Variants in AGT observed in about 807,000 individuals in gnomAD.
AGT encodes the protein alpha-1 antiproteinase, antitrypsin.
A neutral mutation model predicts 28.1 loss-of-function variants in AGT; 26 were observed. That is an observed-to-expected ratio of 0.92 (90% CI 0.68 to 1.28). The LOEUF is 1.28. Among genes scored for constraint, AGT ranks in the 50% most tolerant of loss-of-function variants. The pLI is 0.00. For synonymous variants in AGT, 259 were observed against 259.6 expected, an observed-to-expected ratio of 1.00 and a Z score of 0.02; for missense variants, 596 against 592.3, an observed-to-expected ratio of 1.01 and a Z score of -0.06.
intron 1 of AGT, among the ~76,000 whole-genome samples, chr1:230,730,905 G>A (rs1664039799): frequency 6.6e-6 from 1 of 152,166 alleles, no homozygotes; most frequent in South Asian, 2.1e-4. Context: ...TGCCCCTTTT[G>A]AGCTATGTAT....
At chr1:230,718,523 C>T (rs1191366750), upstream of AGT, among the ~76,000 whole-genome samples, 1 of 152,076 alleles carries the variant, frequency 6.6e-6, no homozygotes, top group East Asian at 1.9e-4. Flanking sequence ...ATTTGACCTA[C>T]ATCTCCTCCC....
At chr1:230,727,165 C>T (rs1160503817) in intron 1 of AGT, among the ~76,000 whole-genome samples, 2 of 152,090 alleles carry the variant, frequency 1.3e-5, no homozygotes, top group Non-Finnish European at 2.9e-5. Flanking sequence ...GACCCTGATG[C>T]CTAGAAAGGA....
chr1:230,738,354 G>A (rs940887954), intron 1 of AGT, among the ~76,000 whole-genome samples: 2 of 152,198 alleles, frequency 1.3e-5, no homozygotes, highest in African/African-American at 4.8e-5. Context: ...AAGAAATGAT[G>A]TTTATAAATC....
chr1:230,705,585 CTG>C (rs1218103135), intron 3 of AGT, among the ~76,000 whole-genome samples: 1 of 152,248 alleles, frequency 6.6e-6, no homozygotes, highest in Non-Finnish European at 1.5e-5. Flanking sequence ...CACAGGTGTG[CTG>C]TGTGTCAGGT....
At chr1:230,733,995 C>G (rs1015296439) in intron 1 of AGT, among the ~76,000 whole-genome samples, 1 of 152,142 alleles carries the variant, frequency 6.6e-6, no homozygotes. Context: ...CTTCTTGAAG[C>G]TTCTCATCTT....
intron 1 of AGT, among the ~76,000 whole-genome samples, chr1:230,735,549 C>A (rs1394094916): frequency 6.6e-6 from 1 of 152,084 alleles, no homozygotes; most frequent in Admixed American, 6.5e-5. Flanking sequence ...TTGGAGGAGG[C>A]CTGCCCCTGG....
intron 1 of AGT, among the ~76,000 whole-genome samples, chr1:230,738,645 A>G (rs2102806771): frequency 6.6e-6 from 1 of 152,306 alleles, no homozygotes; most frequent in Admixed American, 6.5e-5. Flanking sequence ...GGCTAATGCT[A>G]CCTTGCCAAA....
chr1:230,718,388 A>G (rs1442725560), upstream of AGT, among the ~76,000 whole-genome samples: 1 of 152,168 alleles, frequency 6.6e-6, no homozygotes, highest in Non-Finnish European at 1.5e-5. Flanking sequence ...TTAGGTGGCA[A>G]GGACACGTAA....
chr1:230,736,256 G>T (rs1425850079), intron 1 of AGT, among the ~76,000 whole-genome samples: 2 of 151,984 alleles, frequency 1.3e-5, no homozygotes, highest in Non-Finnish European at 2.9e-5. Context: ...GGGCGCGGTG[G>T]CTCACACCTG....
At position 230,704,357 on chromosome 1, in the gene AGT, T is replaced by A. The variant is rs201810231; in HGVS notation, c.1098-20A>T. On this transcript the variant is annotated intron_variant, in intron 3 of 4. Coordinates refer to ENST00000366667, the MANE Select transcript of AGT (RefSeq NM_001384479.1). ...ATGGTCCTGGGGAGATGATGCACAGTTAGGAAGGCTCCAGGCCACACAGTG... is the reference window on the plus strand; with the variant it reads ...ATGGTCCTGGGGAGATGATGCACAGATAGGAAGGCTCCAGGCCACACAGTG... 8.1e-6 allele frequency: 13 copies of A among 1,613,450 alleles called. No homozygotes were observed. In the East Asian group the frequency reaches 2.9e-4, roughly 36 times the overall value.
At chr1:230,723,059 G>A (rs954132054) in intron 1 of AGT, among the ~76,000 whole-genome samples, 2 of 152,158 alleles carry the variant, frequency 1.3e-5, no homozygotes, top group Non-Finnish European at 2.9e-5. Flanking sequence ...GGAGGTGACT[G>A]GATCATGGGG....
intron 1 of AGT, among the ~76,000 whole-genome samples, chr1:230,721,793 G>T (rs988008607): frequency 1.3e-5 from 2 of 152,200 alleles, no homozygotes; most frequent in African/African-American, 4.8e-5. Flanking sequence ...GAACTTGAGA[G>T]AAATGATCTG....
chr1:230,710,269 C>T lies in AGT; in HGVS notation c.555G>A (p.Gln185=). 6.2e-7 allele frequency: 1 copy of T among 1,613,884 alleles called. No individual in the cohort carries two copies. The highest frequency in any genetic ancestry group is 8.5e-7 in the Non-Finnish European group (1 of 1,180,024). ...GCTGGGCCTGGCTATCAGCCCTGCCCTGGGCCACTAGCAGGCCCTGTACAG... is the reference window on the plus strand; with the variant it reads ...GCTGGGCCTGGCTATCAGCCCTGCCTTGGGCCACTAGCAGGCCCTGTACAG... ...LQAVQGLLVA[Q]GRADSQAQLL... The change falls in exon 2 of 5, where the codon CAG becomes CAA. Residue 185 remains glutamine (Q), a synonymous_variant. Coordinates refer to ENST00000366667, the MANE Select transcript of AGT (RefSeq NM_001384479.1).
intron 1 of AGT, among the ~76,000 whole-genome samples, chr1:230,738,985 A>C (rs1304853943): frequency 6.6e-6 from 1 of 152,122 alleles, no homozygotes; most frequent in Admixed American, 6.6e-5. Context: ...AGCAGCAAAG[A>C]ATCTTATTTC....
intron 3 of AGT, among the ~76,000 whole-genome samples, chr1:230,704,934 G>A (rs550050158): frequency 4.6e-5 from 7 of 152,336 alleles, no homozygotes; most frequent in South Asian, 4.1e-4. Flanking sequence ...CTCAAAGGTG[G>A]AAGCAACCCA....
intron 1 of AGT, among the ~76,000 whole-genome samples, chr1:230,745,023 C>A (rs1214049265): frequency 1.3e-5 from 2 of 152,224 alleles, no homozygotes; most frequent in Non-Finnish European, 2.9e-5. Flanking sequence ...TCTGCCAGGG[C>A]AGTGGGCAAT....
chr1:230,712,710 A>G (rs919828234), intron 1 of AGT, among the ~76,000 whole-genome samples: 1 of 152,190 alleles, frequency 6.6e-6, no homozygotes, highest in African/African-American at 2.4e-5. Flanking sequence ...ACGCAATTCC[A>G]TGGGCCATTT....
upstream of AGT, among the ~76,000 whole-genome samples, chr1:230,715,363 G>T (rs1406608364): frequency 6.6e-6 from 1 of 152,088 alleles, no homozygotes; most frequent in African/African-American, 2.4e-5. Context: ...GCGACTTAGA[G>T]GTGGCTTTGT....
intron 1 of AGT, among the ~76,000 whole-genome samples, chr1:230,726,089 C>G (rs935751680): frequency 1.3e-5 from 2 of 152,168 alleles, no homozygotes; most frequent in African/African-American, 4.8e-5. Flanking sequence ...ATTGGAATGA[C>G]TTCACTTGGC....
Sources: allele counts gnomAD v4.1 joint callset (sites outside exome capture counted in the v4.1 genomes callset), GRCh38; gene constraint gnomAD v4.1.1; transcripts MANE v1.5; gene names NCBI Gene and HGNC (gene_info 2026-07-23, HGNC 2026-07-21).